CDH13: variants seen among roughly 807,000 people sequenced by gnomAD.
CDH13 encodes the protein cadherin-13.
CDH13 carries 24 observed loss-of-function variants against 63.8 expected under a neutral mutation model. That is an observed-to-expected ratio of 0.38 (90% CI 0.27 to 0.53). CDH13 has a LOEUF of 0.53. CDH13 is among the 20% of genes least tolerant of loss of function. The probability of loss-of-function intolerance (pLI) is 0.85; values close to 1 mark genes in which losing one functional copy is unlikely to be tolerated. For synonymous variants in CDH13, 503 were observed against 355.3 expected (o/e 1.42, Z -4.67); for missense variants, 1,049 against 903.1 (o/e 1.16, Z -2.07).
chr16:83,259,435 C>A (rs1597610797), intron 5 of CDH13, among the ~76,000 whole-genome samples: 1 of 152,240 alleles, frequency 6.6e-6, no homozygotes. Context: ...TGGCTGTACC[C>A]ACCTCCCTTT....
chr16:82,761,222 T>G (rs559583872), intron 1 of CDH13, among the ~76,000 whole-genome samples: 1 of 151,820 alleles, frequency 6.6e-6, no homozygotes, highest in South Asian at 2.1e-4. Context: ...TTCACCATAT[T>G]GGCCAGGCTG....
intron 5 of CDH13, among the ~76,000 whole-genome samples, chr16:83,275,436 C>A (rs2088957116): frequency 6.6e-6 from 1 of 152,148 alleles, no homozygotes. Flanking sequence ...CACAGAGCCC[C>A]CTTTCAGAGT....
At chr16:83,711,120 A>C (rs1907976465) in intron 10 of CDH13, among the ~76,000 whole-genome samples, 1 of 152,190 alleles carries the variant, frequency 6.6e-6, no homozygotes, top group Non-Finnish European at 1.5e-5. Flanking sequence ...GGACAACTAA[A>C]GCTGTCCCTT....
chr16:82,852,104 T>G (rs2039515834), intron 1 of CDH13, among the ~76,000 whole-genome samples: 2 of 152,238 alleles, frequency 1.3e-5, no homozygotes, highest in Non-Finnish European at 2.9e-5. Context: ...GAGAGTGTTC[T>G]CAACCTCGTG....
At chr16:82,710,793 A>G (rs867132848) in intron 1 of CDH13, among the ~76,000 whole-genome samples, 46 of 148,984 alleles carry the variant, frequency 3.1e-4, no homozygotes, top group African/African-American at 9.5e-4. Context: ...ATACAAATAT[A>G]ACCTATAAGT....
intron 1 of CDH13, among the ~76,000 whole-genome samples, chr16:82,682,426 G>A (rs1914648183): frequency 6.6e-6 from 1 of 152,198 alleles, no homozygotes; most frequent in East Asian, 1.9e-4. Flanking sequence ...TTGGAGGCAG[G>A]CACTGGCATC....
chr16:83,459,773 T>A (rs533676584), intron 6 of CDH13, among the ~76,000 whole-genome samples: 60 of 152,262 alleles, frequency 3.9e-4, no homozygotes, highest in African/African-American at 1.3e-3. Flanking sequence ...AAAGGAAGGA[T>A]CTAGAAACTA....
chr16:83,382,487 T>C (rs1196975725), intron 6 of CDH13, among the ~76,000 whole-genome samples: 1 of 152,116 alleles, frequency 6.6e-6, no homozygotes, highest in African/African-American at 2.4e-5. Context: ...TATCTCCCTA[T>C]GTATGTATCT....
At chr16:83,080,175 G>C (rs935874799) in intron 3 of CDH13, among the ~76,000 whole-genome samples, 17 of 152,024 alleles carry the variant, frequency 1.1e-4, no homozygotes, top group African/African-American at 4.1e-4. Flanking sequence ...TTTCTCTCTC[G>C]GTTCATCCAT....
chr16:82,818,139 T>TGTGTGTG (rs1555523731), intron 1 of CDH13, among the ~76,000 whole-genome samples: 1 of 151,348 alleles, frequency 6.6e-6, no homozygotes, highest in African/African-American at 2.4e-5. Flanking sequence ...TGTGTGTGTG[T>TGTGTGTG]TTTGGGAAGA....
chr16:83,102,374 C>A (rs1304409319), intron 3 of CDH13, among the ~76,000 whole-genome samples: 2 of 152,162 alleles, frequency 1.3e-5, no homozygotes, highest in Non-Finnish European at 2.9e-5. Context: ...GGAAGAGATA[C>A]CCAGGCAGGG....
chr16:83,486,777 T>C (rs1402177116), intron 7 of CDH13, 122 bp downstream of exon 7: 2 of 857,674 alleles, frequency 2.3e-6, no homozygotes, highest in Admixed American at 5.1e-5. Flanking sequence ...ATGAGGTGTT[T>C]ACCATGTTTT....
At chr16:83,787,507 C>T (rs1187816102) in intron 13 of CDH13, among the ~76,000 whole-genome samples, 1 of 152,186 alleles carries the variant, frequency 6.6e-6, no homozygotes, top group Non-Finnish European at 1.5e-5. Context: ...CCCTTATCAG[C>T]AGACACATTC....
chr16:82,823,437 C>T (rs1255686966), intron 1 of CDH13: 3 of 152,060 alleles, frequency 2.0e-5, no homozygotes, highest in African/African-American at 7.2e-5. Context: ...AAAGTTGTTT[C>T]ATGAATTTGA....
intron 3 of CDH13, among the ~76,000 whole-genome samples, chr16:83,033,993 G>A (rs1440684876): frequency 2.0e-5 from 3 of 152,072 alleles, no homozygotes; most frequent in South Asian, 4.2e-4. Context: ...GTGGTGGAGC[G>A]AGTGTGGGTC....
chr16:83,061,061 G>A (rs980898950), intron 3 of CDH13, among the ~76,000 whole-genome samples: 1 of 152,114 alleles, frequency 6.6e-6, no homozygotes, highest in Non-Finnish European at 1.5e-5. Flanking sequence ...ATAAATACGG[G>A]GACTAAGGTA....
chr16:83,608,455 A>C (rs1222838495), intron 8 of CDH13, among the ~76,000 whole-genome samples: 1 of 152,078 alleles, frequency 6.6e-6, no homozygotes, highest in Non-Finnish European at 1.5e-5. Context: ...TGGTGCCTCA[A>C]GTATCTTCTT....
At chr16:83,448,990 A>G in intron 6 of CDH13, among the ~76,000 whole-genome samples, 1 of 152,188 alleles carries the variant, frequency 6.6e-6, no homozygotes, top group East Asian at 1.9e-4. Flanking sequence ...ATATGCTCCT[A>G]GATACCGAAT....
intron 4 of CDH13, among the ~76,000 whole-genome samples, chr16:83,201,822 C>T (rs1385138241): frequency 6.6e-6 from 1 of 151,758 alleles, no homozygotes; most frequent in Non-Finnish European, 1.5e-5. Flanking sequence ...GAGGCTGAGA[C>T]AAGAATGGCG....
Sources: gnomAD v4.1 joint callset for allele counts (sites outside exome capture counted in the v4.1 genomes callset) on GRCh38, gnomAD v4.1.1 for gene constraint, MANE v1.5 for transcripts, NCBI Gene and HGNC (gene_info 2026-07-23, HGNC 2026-07-21) for gene names.